SRBD1: variants seen among roughly 807,000 people sequenced by gnomAD.
The protein encoded by SRBD1 is S1 RNA-binding domain-containing protein 1.
A neutral mutation model predicts 115.3 loss-of-function variants in SRBD1; 88 were observed. The observed-to-expected ratio is 0.76, with a 90% CI of 0.64 to 0.91. The LOEUF is 0.91. SRBD1 is among the 40% of genes least tolerant of loss of function. The pLI, the probability that SRBD1 is intolerant of heterozygous loss-of-function variation, is 0.00. For synonymous variants in SRBD1, 509 were observed against 407.7 expected (o/e 1.25, Z -2.99); for missense variants, 1,385 against 1,177.4 (o/e 1.18, Z -2.58).
intron 14 of SRBD1, among the ~76,000 whole-genome samples, chr2:45,542,591 G>A (rs1038706812): frequency 3.3e-5 from 5 of 152,208 alleles, no homozygotes; most frequent in Non-Finnish European, 7.3e-5. Context: ...ATACATTGTT[G>A]GTGGGAAAGT....
rs991107292 is a variant in SRBD1, at chr2:45,450,904, C to G, written c.2049+26089G>C. 7.2e-5 allele frequency among the ~76,000 whole-genome samples: 11 copies of G among 152,114 alleles called. 1 individual carries two copies. The highest frequency in any genetic ancestry group is 2.7e-4 in the African/African-American group (11 of 41,442). ...TGCCATTTCAAAATGTCAATCAAATCTGAGCATAAGTGGGAACTCCTGCAG... is the reference window on the plus strand; with the variant it reads ...TGCCATTTCAAAATGTCAATCAAATGTGAGCATAAGTGGGAACTCCTGCAG... On this transcript the variant is annotated intron_variant, in intron 16 of 20. Transcript: ENST00000263736.
At chr2:45,567,299 T>C (rs1672859468) in intron 9 of SRBD1, among the ~76,000 whole-genome samples, 1 of 152,098 alleles carries the variant, frequency 6.6e-6, no homozygotes, top group Non-Finnish European at 1.5e-5. Flanking sequence ...TCAGCAGAAA[T>C]AGAACAATCA....
At chr2:45,604,264 A>G (rs527826237) in intron 2 of SRBD1, among the ~76,000 whole-genome samples, 36 of 151,994 alleles carry the variant, frequency 2.4e-4, no homozygotes, top group African/African-American at 8.4e-4. Context: ...TGGCCTCCCA[A>G]CCCACTTCAA....
intron 14 of SRBD1, among the ~76,000 whole-genome samples, chr2:45,530,808 T>C (rs1671587975): frequency 6.6e-6 from 1 of 152,026 alleles, no homozygotes; most frequent in African/African-American, 2.4e-5. Flanking sequence ...TAAGATGTTC[T>C]ACTTTGCCTA....
Position 45,436,421 on chromosome 2 carries a change from G to C in SRBD1, c.2050-16527C>G, listed in dbSNP as rs1668500689. ...AGTACCACCTAATGCAGTAAGAAAAGAAAAGTTATATAAGATTGTGAGGTG... is the reference window on the plus strand; with the variant it reads ...AGTACCACCTAATGCAGTAAGAAAACAAAAGTTATATAAGATTGTGAGGTG... On this transcript the variant is annotated intron_variant, in intron 16 of 20. Transcript: ENST00000263736. Among the ~76,000 whole-genome samples the C allele has an allele frequency of 2.0e-5, 3 of 152,294 alleles. No homozygotes were observed. In the South Asian group the frequency reaches 6.2e-4, roughly 32 times the overall value.
At chr2:45,452,792 G>A (rs1344294163) in intron 16 of SRBD1, among the ~76,000 whole-genome samples, 1 of 151,582 alleles carries the variant, frequency 6.6e-6, no homozygotes, top group African/African-American at 2.4e-5. Context: ...TGGTTGTGGT[G>A]GGGGGGCGTA....
At chr2:45,420,779 T>C (rs1185892237) in intron 16 of SRBD1, among the ~76,000 whole-genome samples, 2 of 152,238 alleles carry the variant, frequency 1.3e-5, no homozygotes, top group Non-Finnish European at 2.9e-5. Flanking sequence ...TAATCCTCTG[T>C]TGTCTCTGGG....
At chr2:45,458,106 C>CAGAT in intron 16 of SRBD1, among the ~76,000 whole-genome samples, 1 of 151,974 alleles carries the variant, frequency 6.6e-6, no homozygotes, top group East Asian at 1.9e-4. Context: ...TTAAACCTAT[C>CAGAT]AAACCAAGGA....
At chr2:45,548,802 A>C (rs970519056) in intron 12 of SRBD1, among the ~76,000 whole-genome samples, 3 of 152,112 alleles carry the variant, frequency 2.0e-5, no homozygotes, top group Non-Finnish European at 2.9e-5. Context: ...ACAAAAACAA[A>C]AAGTCACGAC....
intron 16 of SRBD1, among the ~76,000 whole-genome samples, chr2:45,432,132 T>C (rs907584568): frequency 1.3e-5 from 2 of 152,010 alleles, no homozygotes; most frequent in South Asian, 2.1e-4. Context: ...CAGGTTCAAG[T>C]GGTTCTCCCG....
In SRBD1 at chr2:45,605,309, C is replaced by G. The variant is rs1204113422; in HGVS notation, c.80+53G>C. The stretch of plus-strand genomic sequence containing the variant: ...TAGAAAGTGACAGAATGCATTACTC[C>G]TTATTAAAATATTCATCATTCCCCT... On this transcript the variant is annotated intron_variant, in intron 2 of 20. Transcript: ENST00000263736. The G allele has an allele frequency of 1.9e-6, 3 of 1,549,498 alleles. No homozygotes were observed. In the Admixed American group the frequency reaches 5.3e-5, roughly 27 times the overall value.
At chr2:45,434,590 C>T (rs1330476548) in intron 16 of SRBD1, among the ~76,000 whole-genome samples, 1 of 152,082 alleles carries the variant, frequency 6.6e-6, no homozygotes, top group Non-Finnish European at 1.5e-5. Flanking sequence ...ATTTCCTATA[C>T]AATCAATTAT....
intron 16 of SRBD1, among the ~76,000 whole-genome samples, chr2:45,455,887 G>T (rs1669136750): frequency 6.6e-6 from 1 of 151,778 alleles, no homozygotes; most frequent in African/African-American, 2.4e-5. Context: ...GAAAGCTATT[G>T]CCACAAAGAC....
intron 18 of SRBD1, among the ~76,000 whole-genome samples, chr2:45,416,515 A>C (rs1417403996): frequency 3.9e-5 from 6 of 152,204 alleles, no homozygotes; most frequent in Non-Finnish European, 5.9e-5. Flanking sequence ...AGACAATATA[A>C]AGAATAAAAA....
intron 7 of SRBD1, among the ~76,000 whole-genome samples, chr2:45,575,283 C>T (rs1186260595): frequency 6.6e-6 from 1 of 152,218 alleles, no homozygotes; most frequent in Non-Finnish European, 1.5e-5. Context: ...AGTTTTCATG[C>T]AGTTGTTCCT....
At chr2:45,553,230 T>C (rs755561623) in intron 11 of SRBD1, among the ~76,000 whole-genome samples, 14 of 152,208 alleles carry the variant, frequency 9.2e-5, no homozygotes, top group Non-Finnish European at 7.4e-5. Context: ...TATTTATCAT[T>C]GCTGATAATT....
intron 14 of SRBD1, among the ~76,000 whole-genome samples, chr2:45,521,699 A>G (rs1180866513): frequency 1.3e-5 from 2 of 152,170 alleles, no homozygotes; most frequent in African/African-American, 4.8e-5. Context: ...AAGGATTGAA[A>G]GCAGGAATTC....
chr2:45,573,285 C>T lies in SRBD1; in HGVS notation c.1227G>A (p.Lys409=), dbSNP rs781628620. 6 of 1,611,908 alleles carry T rather than the reference C, an allele frequency of 3.7e-6. No individual in the cohort carries two copies. In the East Asian group the frequency reaches 1.1e-4, roughly 30 times the overall value. ...QSSLAKVSSK[K]VNEKDVDKFL... The stretch of plus-strand genomic sequence containing the variant: ...ACTTATCAACATCTTTCTCATTTAC[C>T]TTTTTTGAGGATACTTTTGCCAGAG... The change falls in exon 9 of 21, where the codon AAG becomes AAA. Residue 409 remains lysine (K), a synonymous_variant. Coordinates refer to ENST00000263736, the MANE Select transcript of SRBD1 (RefSeq NM_018079.5).
At chr2:45,467,883 A>AG (rs554231891) in intron 16 of SRBD1, among the ~76,000 whole-genome samples, 1 of 152,180 alleles carries the variant, frequency 6.6e-6, no homozygotes, top group Non-Finnish European at 1.5e-5. Context: ...ACTGAAAGCC[A>AG]AAGTTCCCGA....
Sources: allele counts gnomAD v4.1 joint callset (sites outside exome capture counted in the v4.1 genomes callset), GRCh38; gene constraint gnomAD v4.1.1; transcripts MANE v1.5; gene names NCBI Gene and HGNC (gene_info 2026-07-23, HGNC 2026-07-21).